Variants in TF observed in about 807,000 individuals in gnomAD.
TF encodes transferrin.
TF carries 55 observed loss-of-function variants against 82.4 expected under a neutral mutation model. That is an observed-to-expected ratio of 0.67 (90% CI 0.54 to 0.84). The LOEUF (loss-of-function observed/expected upper bound fraction) is 0.84, where lower values mean the gene tolerates loss of function less well. Ranked by LOEUF, TF falls within the 40% of genes least tolerant of loss-of-function variation. TF has a pLI of 0.00. For missense variants in TF, 737 were observed against 868.4 expected (o/e 0.85, Z 1.90); for synonymous variants, 332 against 332.6 (o/e 1.00, Z 0.02).
In TF at chr3:133,755,489, C is replaced by T. The variant is rs139893583; in HGVS notation, c.629C>T (p.Ala210Val). 1.2e-6 allele frequency: 2 copies of T among 1,613,954 alleles called. No homozygotes were observed. The highest frequency in any genetic ancestry group is 1.7e-6 in the Non-Finnish European group (2 of 1,179,982). Residue 210 changes from alanine to valine, a missense_variant, in exon 5 of 17, where the codon GCC becomes GTC. Coordinates refer to ENST00000402696, the MANE Select transcript of TF (RefSeq NM_001063.4). ...AACCAATACTTCGGCTACTCGGGAG[C>T]CTTCAAGTGAGTGAGATGTCTGCTG... ...TLNQYFGYSG[A>V]FKCLKDGAGD...
Position 133,786,222 on chromosome 3 carries a change from TAAAAA to T in TF, c.*7616_*7620del. On this transcript the variant is annotated 3_prime_UTR_variant, in exon 17 of 17. Coordinates refer to ENST00000402696, the MANE Select transcript of TF (RefSeq NM_001063.4). ...AAGAATTATCAATAAAAAAATAAATTAAAAAAAAAAAAAAAAAACAATACTATTTT... is the reference window on the plus strand; with the variant it reads ...AAGAATTATCAATAAAAAAATAAATTAAAAAAAAAAAAACAATACTATTTT... The T allele has an allele frequency of 1.2e-5, 1 of 84,306 alleles. No individual in the cohort carries two copies. Among genetic ancestry groups the T allele is most frequent in the East Asian group, 4.8e-4 (1 of 2,070 alleles). The allele number at this position is 84,306 out of a possible 1,614,324, so 5.2% of individuals were successfully genotyped here. A position where few individuals can be genotyped will look rare whatever the true frequency, so the allele number is the denominator to read the frequency against.
rs1236978730 is a variant in TF, at chr3:133,785,355, T to G, written c.*6735T>G. ...CCCATCCGGGAGGGAGGTGGGGGGG[T>G]CAGCCCCCCGCCCGGCCAGCCGCCC... On this transcript the variant is annotated 3_prime_UTR_variant, in exon 17 of 17. Transcript: ENST00000402696. 12 of 77,012 alleles carry G rather than the reference T, an allele frequency of 1.6e-4. No homozygotes were observed. Among genetic ancestry groups the G allele is most frequent in the African/African-American group, 2.8e-4 (5 of 17,954 alleles). 4.8% of individuals were successfully genotyped at this position (77,012 alleles called of 1,614,324 possible).
At chr3:133,720,029 A>T in the TF span, among the ~76,000 whole-genome samples, 1 of 152,036 alleles carries the variant, frequency 6.6e-6, no homozygotes, top group Non-Finnish European at 1.5e-5. Context: ...TTTATATAGG[A>T]TTATGACTCC....
chr3:133,674,478 G>C, the TF span, among the ~76,000 whole-genome samples: 2 of 152,236 alleles, frequency 1.3e-5, no homozygotes, highest in Admixed American at 6.5e-5. Context: ...GGAGGAGTGC[G>C]AGGAGTGGCG....
intron 2 of TF, 179 bp downstream of exon 2, chr3:133,748,763 C>T: frequency 1.3e-6 from 1 of 785,242 alleles, no homozygotes; most frequent in South Asian, 1.6e-5. Context: ...GTCTGGAAAG[C>T]AAAAGTCAAA....
chr3:133,719,933 AT>A, the TF span, among the ~76,000 whole-genome samples: 2 of 152,046 alleles, frequency 1.3e-5, no homozygotes, highest in Non-Finnish European at 2.9e-5. Flanking sequence ...AATGATACTG[AT>A]TTTTGTATGC....
chr3:133,736,599 A>T, the TF span, among the ~76,000 whole-genome samples: 17 of 146,248 alleles, frequency 1.2e-4, no homozygotes, highest in African/African-American at 2.3e-4. Flanking sequence ...AAATAAAGAG[A>T]TAGAAGAAGA....
chr3:133,713,288 A>C, the TF span, among the ~76,000 whole-genome samples: 1 of 152,356 alleles, frequency 6.6e-6, no homozygotes, highest in African/African-American at 2.4e-5. Context: ...TACAGCAGTT[A>C]AGCTGTTACC....
At chr3:133,672,815 GA>G in the TF span, among the ~76,000 whole-genome samples, 1 of 145,610 alleles carries the variant, frequency 6.9e-6, no homozygotes, top group African/African-American at 2.5e-5. Context: ...GAAAGAGAAA[GA>G]AAAAGAAAGA....
At chr3:133,671,398 G>A in the TF span, among the ~76,000 whole-genome samples, 1 of 151,990 alleles carries the variant, frequency 6.6e-6, no homozygotes, top group East Asian at 1.9e-4. Flanking sequence ...TCAAGAAAAG[G>A]AATACTTATA....
chr3:133,714,652 C>G, the TF span, among the ~76,000 whole-genome samples: 1 of 152,048 alleles, frequency 6.6e-6, no homozygotes, highest in African/African-American at 2.4e-5. Flanking sequence ...CATCTCCTAC[C>G]TGTCTTTTCA....
At chr3:133,701,688 TC>T in the TF span, among the ~76,000 whole-genome samples, 1 of 152,128 alleles carries the variant, frequency 6.6e-6, no homozygotes, top group Admixed American at 6.6e-5. Context: ...CAGAGAGGCC[TC>T]CCTGGGGAGG....
the TF span, among the ~76,000 whole-genome samples, chr3:133,718,604 A>G: frequency 6.6e-6 from 1 of 152,176 alleles, no homozygotes; most frequent in Non-Finnish European, 1.5e-5. Flanking sequence ...AGTGGTCCTC[A>G]TGCTTGAGCA....
At chr3:133,755,981 T>C (rs533443837) in intron 5 of TF, among the ~76,000 whole-genome samples, 6 of 152,248 alleles carry the variant, frequency 3.9e-5, no homozygotes, top group African/African-American at 1.4e-4. Flanking sequence ...AAGGCACATT[T>C]TCACCCTCAG....
the TF span, chr3:133,699,496 A>G: frequency 1.7e-6 from 2 of 1,174,390 alleles, no homozygotes; most frequent in South Asian, 2.4e-5. Context: ...CTTTGCCTGA[A>G]CAACACCCAG....
At position 133,746,494 on chromosome 3, in the gene TF, G is replaced by A; in HGVS notation, c.43+11G>A. ...TCTGCGCCGTCCTGGGTGAGTGCGG[G>A]CACGGGGTAGCACCGCAGAGTCGCT... On this transcript the variant is annotated intron_variant, in intron 1 of 16. Transcript: ENST00000402696. The A allele has an allele frequency of 1.3e-6, 2 of 1,593,160 alleles. No individual in the cohort carries two copies. Among genetic ancestry groups the A allele is most frequent in the South Asian group, 1.1e-5 (1 of 88,794 alleles).
chr3:133,734,852 A>G, the TF span, among the ~76,000 whole-genome samples: 1 of 152,138 alleles, frequency 6.6e-6, no homozygotes, highest in African/African-American at 2.4e-5. Context: ...ATGAGAACAC[A>G]GACCAGCCAA....
chr3:133,749,103 G>A (rs1933592749), intron 2 of TF, among the ~76,000 whole-genome samples: 2 of 152,224 alleles, frequency 1.3e-5, no homozygotes, highest in African/African-American at 4.8e-5. Context: ...AGAGGTTGCA[G>A]TGAGCCAAGA....
At chr3:133,748,339 C>T (rs1933562246) in intron 1 of TF, 73 bp from the exon 2 acceptor site, 2 of 1,601,246 alleles carry the variant, frequency 1.2e-6, no homozygotes, top group Admixed American at 3.4e-5. Context: ...CTGTCAAGGC[C>T]TTTCTAGGGG....
Sources: gnomAD v4.1 joint callset for allele counts (sites outside exome capture counted in the v4.1 genomes callset) on GRCh38, gnomAD v4.1.1 for gene constraint, MANE v1.5 for transcripts, NCBI Gene and HGNC (gene_info 2026-07-23, HGNC 2026-07-21) for gene names.